UBE2E2: variants seen among roughly 807,000 people sequenced by gnomAD.
UBE2E2 encodes the protein ubiquitin-conjugating enzyme E2 E2.
A neutral mutation model predicts 24.7 loss-of-function variants in UBE2E2; 6 were observed. The ratio of observed to expected loss-of-function variants is 0.24; its 90% CI spans 0.13 to 0.48. UBE2E2 has a LOEUF of 0.48. Among genes scored for constraint, UBE2E2 ranks in the 20% least tolerant of loss-of-function variants. UBE2E2 has a pLI of 0.99. For synonymous variants in UBE2E2, 104 were observed against 83.6 expected (o/e 1.24, Z -1.33); for missense variants, 169 against 245.0 (o/e 0.69, Z 2.07).
rs192925751 is a variant in UBE2E2, at chr3:23,546,834, A to G, written c.508+14133A>G. 5.6e-4 allele frequency among the ~76,000 whole-genome samples: 85 copies of G among 152,274 alleles called. 3 individuals are homozygous for G. In the East Asian group the frequency reaches 0.015, roughly 27 times the overall value. On this transcript the variant is annotated intron_variant, in intron 5 of 5. Transcript: ENST00000396703. The stretch of plus-strand genomic sequence containing the variant: ...CTTTTAATGAAGATAATGAAAAGAT[A>G]AAGATTATAGTGGTGAAAACAGATG...
At chr3:23,541,221 C>G (rs112093904) in intron 5 of UBE2E2, among the ~76,000 whole-genome samples, 3,396 of 152,200 alleles carry the variant, frequency 0.022, 142 homozygotes, top group African/African-American at 0.076. Context: ...GAGTCAGATC[C>G]CATAACAAAT....
intron 3 of UBE2E2, among the ~76,000 whole-genome samples, chr3:23,465,467 G>A (rs914258736): frequency 1.3e-5 from 2 of 152,152 alleles, no homozygotes; most frequent in African/African-American, 4.8e-5. Flanking sequence ...CCATAAAAGG[G>A]ACCAATAGCC....
At chr3:23,445,577 G>T (rs1402896016) in intron 3 of UBE2E2, among the ~76,000 whole-genome samples, 1 of 152,208 alleles carries the variant, frequency 6.6e-6, no homozygotes, top group African/African-American at 2.4e-5. Flanking sequence ...TAAGGCTGCA[G>T]TGCAACAGCA....
intron 3 of UBE2E2, among the ~76,000 whole-genome samples, chr3:23,475,375 C>G (rs1227427234): frequency 1.3e-5 from 2 of 152,040 alleles, no homozygotes; most frequent in East Asian, 1.9e-4. Flanking sequence ...TACAAGTCCT[C>G]CAAACTCAAT....
At chr3:23,512,204 T>TC (rs1239215712) in intron 4 of UBE2E2, among the ~76,000 whole-genome samples, 1 of 151,038 alleles carries the variant, frequency 6.6e-6, no homozygotes, top group East Asian at 2.0e-4. Flanking sequence ...CCTTTTTTTT[T>TC]TTTTTTCTAT....
At chr3:23,557,199 A>C (rs920094858) in intron 5 of UBE2E2, among the ~76,000 whole-genome samples, 2 of 152,202 alleles carry the variant, frequency 1.3e-5, no homozygotes, top group Non-Finnish European at 2.9e-5. Context: ...GTTTTTGCAA[A>C]GCAAAAATTG....
intron 3 of UBE2E2, among the ~76,000 whole-genome samples, chr3:23,485,557 C>A (rs1454932978): frequency 6.6e-6 from 1 of 151,992 alleles, no homozygotes; most frequent in East Asian, 1.9e-4. Flanking sequence ...AAAAAAAAAA[C>A]CTCTCTTGTT....
At chr3:23,394,821 GAAT>G in intron 3 of UBE2E2, among the ~76,000 whole-genome samples, 1 of 151,956 alleles carries the variant, frequency 6.6e-6, no homozygotes, top group South Asian at 2.1e-4. Context: ...TTCTACCTTT[GAAT>G]AGCCAGCTTT....
At chr3:23,307,650 G>A (rs771793366) in intron 3 of UBE2E2, among the ~76,000 whole-genome samples, 4 of 152,050 alleles carry the variant, frequency 2.6e-5, no homozygotes, top group African/African-American at 9.7e-5. Flanking sequence ...TTAAGAAAAT[G>A]TTTTAGCAAT....
intron 3 of UBE2E2, among the ~76,000 whole-genome samples, chr3:23,219,817 T>C (rs1447022466): frequency 8.5e-5 from 13 of 152,204 alleles, no homozygotes; most frequent in Non-Finnish European, 1.9e-4. Flanking sequence ...CTGTGGGTTT[T>C]ACCTGTTTAG....
chr3:23,578,738 A>G (rs1254021642), intron 5 of UBE2E2, among the ~76,000 whole-genome samples: 1 of 152,132 alleles, frequency 6.6e-6, no homozygotes, highest in East Asian at 1.9e-4. Context: ...GAGTACATGG[A>G]AACATGGTGA....
chr3:23,373,708 A>G (rs1328285598), intron 3 of UBE2E2, among the ~76,000 whole-genome samples: 2 of 152,100 alleles, frequency 1.3e-5, no homozygotes, highest in African/African-American at 4.8e-5. Flanking sequence ...TGCTAGGGTG[A>G]CATACATCCT....
chr3:23,360,425 T>C (rs1241613550), intron 3 of UBE2E2, among the ~76,000 whole-genome samples: 2 of 152,198 alleles, frequency 1.3e-5, no homozygotes, highest in African/African-American at 2.4e-5. Flanking sequence ...GAATAAAACA[T>C]GTTCTTTGTC....
chr3:23,278,359 A>G (rs934592201), intron 3 of UBE2E2, among the ~76,000 whole-genome samples: 2 of 152,156 alleles, frequency 1.3e-5, no homozygotes, highest in Non-Finnish European at 2.9e-5. Context: ...AAAAGGAACA[A>G]TTGCTGCCAT....
chr3:23,224,584 A>C (rs895061847), intron 3 of UBE2E2, among the ~76,000 whole-genome samples: 17 of 151,642 alleles, frequency 1.1e-4, no homozygotes, highest in Non-Finnish European at 1.9e-4. Flanking sequence ...TTTTAACATC[A>C]CGTAATCTGG....
intron 3 of UBE2E2, among the ~76,000 whole-genome samples, chr3:23,331,766 G>A (rs572657152): frequency 4.6e-5 from 7 of 152,254 alleles, no homozygotes; most frequent in South Asian, 4.2e-4. Context: ...GATGAATCCC[G>A]TAGGATATGG....
At chr3:23,443,401 G>C (rs1698348948) in intron 3 of UBE2E2, among the ~76,000 whole-genome samples, 1 of 152,176 alleles carries the variant, frequency 6.6e-6, no homozygotes, top group African/African-American at 2.4e-5. Flanking sequence ...ACATGGATAA[G>C]CTATTGTGGT....
chr3:23,296,816 A>G (rs1268806594), intron 3 of UBE2E2, among the ~76,000 whole-genome samples: 1 of 152,204 alleles, frequency 6.6e-6, no homozygotes, highest in African/African-American at 2.4e-5. Flanking sequence ...TCCTTTGGGT[A>G]TATACCCAGT....
At chr3:23,301,316 G>T (rs1201645008) in intron 3 of UBE2E2, among the ~76,000 whole-genome samples, 2 of 152,168 alleles carry the variant, frequency 1.3e-5, no homozygotes, top group Non-Finnish European at 1.5e-5. Context: ...GCTTTGTTCT[G>T]TTGCTGGTGA....
Sources: gnomAD v4.1 joint callset for allele counts (sites outside exome capture counted in the v4.1 genomes callset) on GRCh38, gnomAD v4.1.1 for gene constraint, MANE v1.5 for transcripts, NCBI Gene and HGNC (gene_info 2026-07-23, HGNC 2026-07-21) for gene names.